NLRP14: variants seen among roughly 807,000 people sequenced by gnomAD.
The protein encoded by NLRP14 is NLR family pyrin domain containing 14, also known as NACHT, LRR and PYD domains-containing protein 14.
In NLRP14, 105 loss-of-function variants were observed where a neutral mutation model predicts 94.7. That is an observed-to-expected ratio of 1.11 (90% CI 0.95 to 1.30). The LOEUF (loss-of-function observed/expected upper bound fraction) is 1.30. NLRP14 is among the 50% of genes most tolerant of loss of function. The pLI is 0.00. For synonymous variants in NLRP14, 508 were observed against 459.9 expected, an observed-to-expected ratio of 1.10 and a Z score of -1.34; for missense variants, 1,362 against 1,254.1, an observed-to-expected ratio of 1.09 and a Z score of -1.30.
rs1372633501 is a variant in NLRP14, at chr11:7,026,428, G to A, written c.-22+5658G>A. On this transcript the variant is annotated intron_variant, in intron 1 of 11. Transcript: ENST00000299481. ...AAATGCTCATCATCACTGGCCATCA[G>A]AGAAATGCAAATCAAAACCACAGTG... is the stretch of plus-strand genomic sequence containing the variant. Among the ~76,000 whole-genome samples the A allele has an allele frequency of 3.3e-5, 5 of 152,330 alleles. No individual in the cohort carries two copies. The East Asian group carries it at 9.6e-4, about 29-fold the overall frequency.
chr11:7,049,402 A>C (rs555767216), intron 5 of NLRP14, among the ~76,000 whole-genome samples: 1 of 152,282 alleles, frequency 6.6e-6, no homozygotes, highest in South Asian at 2.1e-4. Context: ...ATAATTTTTG[A>C]TAGTCATTCC....
At chr11:7,079,184 A>G in the NLRP14 span, among the ~76,000 whole-genome samples, 1 of 152,198 alleles carries the variant, frequency 6.6e-6, no homozygotes, top group Non-Finnish European at 1.5e-5. Context: ...TCTATGGTGG[A>G]TACGTTTATC....
chr11:7,030,875 C>T (rs1452417761), intron 1 of NLRP14, among the ~76,000 whole-genome samples: 2 of 152,216 alleles, frequency 1.3e-5, no homozygotes, highest in Non-Finnish European at 2.9e-5. Context: ...CGTGCGCCCA[C>T]AGGTTTGCTG....
rs754926604 is a variant in NLRP14, at chr11:7,025,719, TAAG to T, written c.-22+4952_-22+4954del. Among the ~76,000 whole-genome samples, 13 of 152,096 alleles carry T rather than the reference TAAG, an allele frequency of 8.5e-5. 1 individual carries two copies. Among genetic ancestry groups the T allele is most frequent in the Non-Finnish European group, 1.8e-4 (12 of 68,002 alleles). On this transcript the variant is annotated intron_variant, in intron 1 of 11. Transcript: ENST00000299481. ...AATGTCAAATAATTGAAGGTTAATT[TAAG>T]AACTAAAGAAAGAGATTGGCCTTAT... is the stretch of plus-strand genomic sequence containing the variant.
chr11:7,051,648 G>A (rs1024639862), intron 6 of NLRP14, among the ~76,000 whole-genome samples: 3 of 152,020 alleles, frequency 2.0e-5, no homozygotes, highest in East Asian at 1.9e-4. Context: ...ACAGAGTCTC[G>A]TTCTGTCACC....
chr11:7,041,882 C>CT (rs1178648355), intron 3 of NLRP14, among the ~76,000 whole-genome samples: 2 of 151,822 alleles, frequency 1.3e-5, no homozygotes, highest in African/African-American at 4.8e-5. Context: ...GGATGTTTTT[C>CT]TTTTTTCAAA....
At chr11:7,051,135 A>G (rs940651279) in intron 6 of NLRP14, among the ~76,000 whole-genome samples, 2 of 152,206 alleles carry the variant, frequency 1.3e-5, no homozygotes, top group East Asian at 3.8e-4. Flanking sequence ...ATAGGAAACC[A>G]TCTTTCTGGG....
chr11:7,052,373 C>T (rs1024449703), intron 6 of NLRP14, among the ~76,000 whole-genome samples: 1 of 152,226 alleles, frequency 6.6e-6, no homozygotes, highest in African/African-American at 2.4e-5. Flanking sequence ...TGGCTCACGC[C>T]TGTAATCCCA....
At chr11:7,054,587 T>A (rs1852492766) in intron 6 of NLRP14, among the ~76,000 whole-genome samples, 1 of 152,200 alleles carries the variant, frequency 6.6e-6, no homozygotes, top group African/African-American at 2.4e-5. Flanking sequence ...ATATGCCATT[T>A]GTGTGTCTTC....
At chr11:7,074,016 G>A (rs926246964), downstream of NLRP14, among the ~76,000 whole-genome samples, 1 of 152,092 alleles carries the variant, frequency 6.6e-6, no homozygotes, top group Non-Finnish European at 1.5e-5. Flanking sequence ...GGTTCTCCTA[G>A]CAACCAGCCC....
chr11:7,035,425 G>C (rs1187465047), intron 1 of NLRP14, among the ~76,000 whole-genome samples: 1 of 152,164 alleles, frequency 6.6e-6, no homozygotes, highest in Admixed American at 6.5e-5. Context: ...GCAATATCTA[G>C]AGACATTTTT....
intron 10 of NLRP14, among the ~76,000 whole-genome samples, chr11:7,063,869 A>T (rs546214416): frequency 2.4e-4 from 37 of 152,228 alleles, no homozygotes; most frequent in Admixed American, 7.2e-4. Flanking sequence ...TTTATGCTTT[A>T]GAACCCATAC....
the NLRP14 span, chr11:7,089,589 G>A: frequency 8.4e-7 from 1 of 1,184,824 alleles, no homozygotes; most frequent in African/African-American, 1.6e-5. Flanking sequence ...GCCGCGCAGG[G>A]TCGGCCCACC....
intron 1 of NLRP14, among the ~76,000 whole-genome samples, chr11:7,029,797 T>A (rs533811690): frequency 1.3e-5 from 2 of 152,382 alleles, no homozygotes; most frequent in South Asian, 4.1e-4. Context: ...ACCTTTTCTC[T>A]CACCCTACAC....
chr11:7,050,055 C>A (rs1852419549), intron 6 of NLRP14, among the ~76,000 whole-genome samples: 1 of 152,298 alleles, frequency 6.6e-6, no homozygotes, highest in African/African-American at 2.4e-5. Context: ...TTGTGTAGTT[C>A]TCTGTGTCTC....
At chr11:7,090,347 A>C in the NLRP14 span, 1 of 1,537,180 alleles carries the variant, frequency 6.5e-7, no homozygotes, top group Non-Finnish European at 8.8e-7. Context: ...GAAACTAACA[A>C]AAAGAAGAAC....
chr11:7,026,293 T>G (rs183953653), intron 1 of NLRP14, among the ~76,000 whole-genome samples: 2 of 152,044 alleles, frequency 1.3e-5, no homozygotes, highest in African/African-American at 4.8e-5. Flanking sequence ...TACAATGAAC[T>G]CAAACAAATT....
chr11:7,032,512 C>T (rs1852112483), intron 1 of NLRP14, among the ~76,000 whole-genome samples: 1 of 152,138 alleles, frequency 6.6e-6, no homozygotes, highest in African/African-American at 2.4e-5. Context: ...GTAAAATTCT[C>T]AGTAGACATG....
At chr11:7,049,303 C>G (rs888358130) in intron 5 of NLRP14, among the ~76,000 whole-genome samples, 3 of 152,182 alleles carry the variant, frequency 2.0e-5, no homozygotes, top group African/African-American at 4.8e-5. Flanking sequence ...GCACATCAGA[C>G]AGTTGATGCT....
Sources: gnomAD v4.1 joint callset for allele counts (sites outside exome capture counted in the v4.1 genomes callset) on GRCh38, gnomAD v4.1.1 for gene constraint, MANE v1.5 for transcripts, NCBI Gene and HGNC (gene_info 2026-07-23, HGNC 2026-07-21) for gene names.